Variants in CAPN9 observed in about 807,000 individuals in gnomAD.
CAPN9 encodes the protein calpain-9.
In CAPN9, 81 loss-of-function variants were observed where a neutral mutation model predicts 92.8. The ratio of observed to expected loss-of-function variants is 0.87; its 90% CI spans 0.73 to 1.05. The LOEUF is 1.05. Ranked by LOEUF, CAPN9 falls within the 50% of genes least tolerant of loss-of-function variation. The pLI is 0.00. For missense variants in CAPN9, 848 were observed against 866.2 expected (o/e 0.98, Z 0.26); for synonymous variants, 304 against 328.0 (o/e 0.93, Z 0.79).
intron 1 of CAPN9, among the ~76,000 whole-genome samples, chr1:230,751,049 T>C (rs1362443911): frequency 1.3e-5 from 2 of 152,206 alleles, no homozygotes; most frequent in East Asian, 1.9e-4. Flanking sequence ...TACCCATTTA[T>C]TTTTGGCCAG....
rs756904833 is a variant in CAPN9, at chr1:230,780,615, C to T, written c.1388C>T (p.Pro463Leu). The T allele has an allele frequency of 6.2e-7, 1 of 1,614,158 alleles. No individual in the cohort carries two copies. Among genetic ancestry groups the T allele is most frequent in the Non-Finnish European group, 8.5e-7 (1 of 1,179,986 alleles). The change falls in exon 11 of 20, where the codon CCT becomes CTT. Residue 463 changes from proline (P) to leucine (L), a missense_variant. By Grantham distance (98) the Pro-to-Leu change is moderately conservative. Transcript: ENST00000271971. ...GTCTCCGACCGGTTCAAGCTGCCCC[C>T]TGGGGAGTACATCCTGATTCCCAGC... ...REVSDRFKLP[P>L]GEYILIPSTF...
intron 15 of CAPN9, 66 bp downstream of exon 15, chr1:230,791,994 C>T: frequency 9.0e-7 from 1 of 1,109,320 alleles, no homozygotes; most frequent in South Asian, 1.2e-5. Flanking sequence ...GTAGAGTAAT[C>T]TTCAATAGTG....
At chr1:230,782,525 C>T (rs1667294493) in intron 11 of CAPN9, among the ~76,000 whole-genome samples, 2 of 152,276 alleles carry the variant, frequency 1.3e-5, no homozygotes, top group Admixed American at 1.3e-4. Context: ...CTGAAGCCTG[C>T]TCCTCCTCTT....
intron 6 of CAPN9, among the ~76,000 whole-genome samples, chr1:230,770,139 T>G (rs28741093): frequency 0.012 from 1,772 of 152,182 alleles, 32 homozygotes; most frequent in African/African-American, 0.04. Context: ...CATGCAATTG[T>G]GAAGAGTAAG....
chr1:230,758,453 G>A lies in CAPN9; in HGVS notation c.284-1059G>A, dbSNP rs183426641. On this transcript the variant is annotated intron_variant, in intron 2 of 19. Transcript: ENST00000271971. Reference sequence around the variant, plus strand: ...GCTGACCTGAGGCTCCCAAAGACCAGCAGATGCATTAGAAACCAATCCTTC... The same window carrying A: ...GCTGACCTGAGGCTCCCAAAGACCAACAGATGCATTAGAAACCAATCCTTC... Among the ~76,000 whole-genome samples the A allele has an allele frequency of 2.1e-3, 317 of 152,328 alleles. 1 individual carries two copies. The highest frequency in any genetic ancestry group is 0.01 in the Middle Eastern group (3 of 294).
chr1:230,772,330 G>T (rs185725614), intron 7 of CAPN9, among the ~76,000 whole-genome samples: 221 of 152,294 alleles, frequency 1.5e-3, no homozygotes, highest in African/African-American at 5.2e-3. Context: ...TAACTTTCAC[G>T]AATTGTATTT....
intron 5 of CAPN9, among the ~76,000 whole-genome samples, chr1:230,768,796 T>A (rs1666184746): frequency 6.6e-6 from 1 of 152,206 alleles, no homozygotes; most frequent in Non-Finnish European, 1.5e-5. Flanking sequence ...TCCTCTGCAC[T>A]TTCAGGTTTG....
intron 8 of CAPN9, among the ~76,000 whole-genome samples, chr1:230,778,385 A>G (rs964648184): frequency 6.6e-6 from 1 of 152,158 alleles, no homozygotes; most frequent in African/African-American, 2.4e-5. Context: ...ATCTGTTCTC[A>G]ACACAGCAGC....
chr1:230,785,568 C>A (rs898866657), intron 11 of CAPN9, among the ~76,000 whole-genome samples: 2 of 152,138 alleles, frequency 1.3e-5, no homozygotes, highest in Non-Finnish European at 2.9e-5. Flanking sequence ...CCTGCTTTTT[C>A]CATGTGACTT....
intron 17 of CAPN9, among the ~76,000 whole-genome samples, chr1:230,794,481 CA>C (rs1049589160): frequency 1.0e-4 from 15 of 147,042 alleles, no homozygotes; most frequent in African/African-American, 2.0e-4. Flanking sequence ...AACTCCATCT[CA>C]AAAAAAAAAA....
At chr1:230,767,206 T>C (rs1418340823) in intron 4 of CAPN9, among the ~76,000 whole-genome samples, 1 of 152,070 alleles carries the variant, frequency 6.6e-6, no homozygotes, top group African/African-American at 2.4e-5. Context: ...CTCTCCCCCA[T>C]TTTGCATATA....
rs931611290 is a variant in CAPN9 at position 230,780,349 on chromosome 1, C to T, written c.1272+13C>T. 6.2e-7 allele frequency: 1 copy of T among 1,613,054 alleles called. No individual in the cohort carries two copies. Among genetic ancestry groups the T allele is most frequent in the South Asian group, 1.1e-5 (1 of 90,878 alleles). On this transcript the variant is annotated intron_variant, in intron 10 of 19. Transcript: ENST00000271971. ...TGCCATTTATGAGGTAGGTGGGAAC[C>T]ACACTGCATTTCAGAGTTCTCCATC...
chr1:230,780,444 C>T, intron 10 of CAPN9, 56 bp from the exon 11 acceptor site: 3 of 1,603,838 alleles, frequency 1.9e-6, no homozygotes, highest in Non-Finnish European at 2.6e-6. Context: ...TGAATTGTGT[C>T]CGAAAAGCCA....
chr1:230,762,603 G>A, intron 3 of CAPN9, 50 bp from the exon 4 acceptor site: 1 of 1,600,034 alleles, frequency 6.2e-7, no homozygotes, highest in East Asian at 2.2e-5. Flanking sequence ...AGGGCCTGGA[G>A]CTCCCATGTA....
At position 230,779,000 on chromosome 1, in the gene CAPN9, C is replaced by A. The variant is rs28359684; in HGVS notation, c.981C>A (p.His327Gln). Residue 327 changes from histidine (H) to glutamine (Q), a missense_variant, in exon 9 of 20, where the codon CAC (histidine) becomes CAA (glutamine). Coordinates refer to ENST00000271971, the MANE Select transcript of CAPN9 (RefSeq NM_006615.3). ...FWMAFKDFKA[H>Q]FDKVEICNLT... ...TGGCATTTAAGGACTTCAAGGCCCACTTTGATAAAGTGGAGATCTGCAACC... is the reference window on the plus strand; with the variant it reads ...TGGCATTTAAGGACTTCAAGGCCCAATTTGATAAAGTGGAGATCTGCAACC... The A allele has an allele frequency of 4.3e-3, 7,020 of 1,613,810 alleles. 226 individuals are homozygous for A. The African/African-American group carries it at 0.076, about 17-fold the overall frequency.
chr1:230,775,641 G>A (rs532324948), intron 8 of CAPN9, among the ~76,000 whole-genome samples: 2 of 152,262 alleles, frequency 1.3e-5, no homozygotes, highest in East Asian at 3.9e-4. Flanking sequence ...ACAACAGCAG[G>A]GCACGGTGGC....
intron 9 of CAPN9, among the ~76,000 whole-genome samples, chr1:230,779,523 T>C (rs1667063894): frequency 6.6e-6 from 1 of 152,202 alleles, no homozygotes; most frequent in South Asian, 2.1e-4. Context: ...TCTTTCTCTG[T>C]CTGGCTTTCT....
At chr1:230,766,977 A>C (rs1341637987) in intron 4 of CAPN9, among the ~76,000 whole-genome samples, 1 of 152,190 alleles carries the variant, frequency 6.6e-6, no homozygotes, top group Non-Finnish European at 1.5e-5. Context: ...AAAATTCTAA[A>C]TTGAAAAGCT....
intron 4 of CAPN9, 25 bp downstream of exon 4, chr1:230,762,811 G>A (rs35948566): frequency 6.2e-7 from 1 of 1,610,706 alleles, no homozygotes; most frequent in South Asian, 1.1e-5. Flanking sequence ...CCCCAGCTCA[G>A]GCAGCCTCCC....
Sources: gnomAD v4.1 joint callset for allele counts (sites outside exome capture counted in the v4.1 genomes callset) on GRCh38, gnomAD v4.1.1 for gene constraint, MANE v1.5 for transcripts, NCBI Gene and HGNC (gene_info 2026-07-23, HGNC 2026-07-21) for gene names.